The following ANKRD13C variants were observed in gnomAD, a reference collection of about 807,000 sequenced individuals.
The protein encoded by ANKRD13C is ankyrin repeat domain-containing protein 13C.
Under a neutral mutation model 65.5 loss-of-function variants are expected in ANKRD13C, and 16 were observed. That is an observed-to-expected ratio of 0.24 (90% CI 0.17 to 0.37). The LOEUF (loss-of-function observed/expected upper bound fraction) is 0.37. Ranked by LOEUF, ANKRD13C falls within the 10% of genes least tolerant of loss-of-function variation. The pLI is 1.00. For missense variants in ANKRD13C, 503 were observed against 655.9 expected (o/e 0.77, Z 2.55); for synonymous variants, 235 against 238.7 (o/e 0.98, Z 0.14).
chr1:70,322,988 C>T (rs1340339897), intron 3 of ANKRD13C, among the ~76,000 whole-genome samples: 2 of 150,984 alleles, frequency 1.3e-5, no homozygotes, highest in Non-Finnish European at 2.9e-5. Flanking sequence ...GGTGGAACTC[C>T]GTCTCAAAAA....
chr1:70,282,627 C>A (rs1679447625), intron 9 of ANKRD13C, among the ~76,000 whole-genome samples: 1 of 152,148 alleles, frequency 6.6e-6, no homozygotes, highest in African/African-American at 2.4e-5. Context: ...GTAGCAATGG[C>A]TTATCAGTAG....
rs1678407177 is a variant in ANKRD13C at position 70,262,007 on chromosome 1, G to A, written c.*710C>T. 1 of 150,976 alleles carries A rather than the reference G, an allele frequency of 6.6e-6. No individual in the cohort carries two copies. The highest frequency in any genetic ancestry group is 2.4e-5 in the African/African-American group (1 of 41,072). The allele number at this position is 150,976 out of a possible 1,614,324, so 9.4% of individuals were successfully genotyped here. ...AAGGAAGATTAGTAACAAACATTCAGGTAAAAACAAATAGCACCACAATGA... is the reference window on the plus strand; with the variant it reads ...AAGGAAGATTAGTAACAAACATTCAAGTAAAAACAAATAGCACCACAATGA... On this transcript the variant is annotated 3_prime_UTR_variant, in exon 13 of 13. Transcript: ENST00000370944.
At chr1:70,312,398 C>T (rs1182002286) in intron 5 of ANKRD13C, among the ~76,000 whole-genome samples, 3 of 148,538 alleles carry the variant, frequency 2.0e-5, no homozygotes, top group South Asian at 2.1e-4. Flanking sequence ...CAGAGCCTTG[C>T]TCTGGAAATC....
chr1:70,321,083 T>A (rs1184256391), intron 3 of ANKRD13C, among the ~76,000 whole-genome samples: 1 of 152,174 alleles, frequency 6.6e-6, no homozygotes, highest in African/African-American at 2.4e-5. Flanking sequence ...AAATTTTGAT[T>A]CTTGATACAC....
At position 70,280,957 on chromosome 1, in the gene ANKRD13C, T is replaced by C. The variant is rs75213263; in HGVS notation, c.1216-4113A>G. ...CAAGAGATCCTTAGGATTTTGTGAT[T>C]GATCAGATATAGAGATAACAGGAAA... On this transcript the variant is annotated intron_variant, in intron 9 of 12. Coordinates refer to ENST00000370944, the MANE Select transcript of ANKRD13C (RefSeq NM_030816.5). Among the ~76,000 whole-genome samples the C allele has an allele frequency of 4.3e-3, 660 of 152,164 alleles. 5 individuals carry two copies. Among genetic ancestry groups the C allele is most frequent in the African/African-American group, 0.016 (645 of 41,526 alleles).
chr1:70,338,347 C>A (rs1259917656), intron 1 of ANKRD13C, among the ~76,000 whole-genome samples: 1 of 152,106 alleles, frequency 6.6e-6, no homozygotes, highest in African/African-American at 2.4e-5. Flanking sequence ...CAGTTTTCAT[C>A]CTACTACTAA....
At chr1:70,345,979 C>G (rs899043625) in intron 1 of ANKRD13C, among the ~76,000 whole-genome samples, 1 of 151,490 alleles carries the variant, frequency 6.6e-6, no homozygotes, top group African/African-American at 2.4e-5. Flanking sequence ...TTTTCTAATA[C>G]TTTTTTTTTC....
intron 6 of ANKRD13C, among the ~76,000 whole-genome samples, chr1:70,302,949 C>T (rs568531316): frequency 6.6e-6 from 1 of 152,102 alleles, no homozygotes; most frequent in East Asian, 1.9e-4. Flanking sequence ...CCTGCTTGCC[C>T]ATCATAGGTG....
In ANKRD13C at chr1:70,325,138, C is replaced by A. The variant is rs529983620; in HGVS notation, c.473-181G>T. Among the ~76,000 whole-genome samples, 30 of 152,036 alleles carry A rather than the reference C, an allele frequency of 2.0e-4. 1 individual carries two copies. The East Asian group carries it at 5.6e-3, about 28-fold the overall frequency. On this transcript the variant is annotated intron_variant, in intron 2 of 12. Transcript: ENST00000370944. ...TAACTAAACCAGGTAATTTCAGATC[C>A]CTAGATTTAAAAAGTATCCATTCTA...
At chr1:70,323,411 A>G (rs147212977) in intron 3 of ANKRD13C, among the ~76,000 whole-genome samples, 19,909 of 152,030 alleles carry the variant, frequency 0.13, 1,542 homozygotes, top group East Asian at 0.35. Context: ...TTGGGAGGCC[A>G]AGGTGGGCGG....
chr1:70,294,646 T>G (rs1249977270), intron 8 of ANKRD13C, among the ~76,000 whole-genome samples: 1 of 151,818 alleles, frequency 6.6e-6, no homozygotes, highest in Non-Finnish European at 1.5e-5. Context: ...TTTTTTTTTT[T>G]TGGACAGGAG....
At chr1:70,284,506 A>G (rs1679535016) in intron 9 of ANKRD13C, among the ~76,000 whole-genome samples, 2 of 152,150 alleles carry the variant, frequency 1.3e-5, no homozygotes, top group Admixed American at 1.3e-4. Context: ...CCTGACTTCA[A>G]CTTCCCAGTA....
rs1212174830 is a variant in ANKRD13C at position 70,302,452 on chromosome 1, C to A, written c.777-1544G>T. On this transcript the variant is annotated intron_variant, in intron 6 of 12. Coordinates refer to ENST00000370944, the MANE Select transcript of ANKRD13C (RefSeq NM_030816.5). ...CTAAAAGAAAATAGTATTGGCCGGG[C>A]GCGGTGGCTCACGCCTGTAATCCCA... is the stretch of plus-strand genomic sequence containing the variant. Among the ~76,000 whole-genome samples the A allele has an allele frequency of 6.3e-5, 7 of 110,668 alleles. 1 individual carries two copies. The highest frequency in any genetic ancestry group is 9.0e-5 in the Non-Finnish European group (5 of 55,810). The allele number at this position is 110,668 out of a possible 152,430, so 72.6% of individuals were successfully genotyped here.
At chr1:70,297,124 A>T (rs1426706963) in intron 7 of ANKRD13C, among the ~76,000 whole-genome samples, 2 of 152,050 alleles carry the variant, frequency 1.3e-5, no homozygotes, top group East Asian at 3.9e-4. Flanking sequence ...TATAAGGAAG[A>T]AAAAAGGCAA....
At chr1:70,310,167 G>A (rs528410085) in intron 5 of ANKRD13C, among the ~76,000 whole-genome samples, 1 of 152,224 alleles carries the variant, frequency 6.6e-6, no homozygotes, top group South Asian at 2.1e-4. Context: ...TTTCTTCGAA[G>A]TCTGAATATA....
chr1:70,262,920 A>T, intron 12 of ANKRD13C, 73 bp from the exon 13 acceptor site: 47 of 996,436 alleles, frequency 4.7e-5, no homozygotes, highest in Non-Finnish European at 6.2e-5. Flanking sequence ...GTACTATTGG[A>T]GATGTCCATA....
intron 5 of ANKRD13C, among the ~76,000 whole-genome samples, chr1:70,309,037 T>C (rs1259290747): frequency 6.6e-6 from 1 of 151,560 alleles, no homozygotes; most frequent in African/African-American, 2.4e-5. Flanking sequence ...TCCCCAATTT[T>C]CTTTCTTTCC....
At chr1:70,286,892 G>A (rs999837857) in intron 9 of ANKRD13C, among the ~76,000 whole-genome samples, 6 of 152,032 alleles carry the variant, frequency 3.9e-5, no homozygotes, top group East Asian at 1.9e-4. Context: ...AGGCTGAGGC[G>A]GGAGAATTGC....
At position 70,315,518 on chromosome 1, in the gene ANKRD13C, T is replaced by C; in HGVS notation, c.626A>G (p.Glu209Gly). 1 of 1,608,918 alleles carries C rather than the reference T, an allele frequency of 6.2e-7. No individual in the cohort carries two copies. The highest frequency in any genetic ancestry group is 8.5e-7 in the Non-Finnish European group (1 of 1,177,236). The change falls in exon 4 of 13, where the codon GAA becomes GGA. Residue 209 changes from glutamate (E) to glycine (G), a missense_variant. Around this residue, in one of 2 missense-constraint regions of ANKRD13C, gnomAD observed 300 missense variants for 478.3 expected, o/e 0.63. Coordinates refer to ENST00000370944, the MANE Select transcript of ANKRD13C (RefSeq NM_030816.5). Reference sequence around the variant, plus strand: ...TTTTAATAATCGAGGTCGTTTTTCTTCAACACTTTCCCTGGATTGCTGCTT... The same window carrying C: ...TTTTAATAATCGAGGTCGTTTTTCTCCAACACTTTCCCTGGATTGCTGCTT... ...KLKQQSRESV[E>G]EKRPRLLKAL...
Sources: gnomAD v4.1 joint callset for allele counts (sites outside exome capture counted in the v4.1 genomes callset) on GRCh38, gnomAD v4.1.1 for gene constraint, gnomAD v4.1.1 regional missense constraint, MANE v1.5 for transcripts, NCBI Gene and HGNC (gene_info 2026-07-23, HGNC 2026-07-21) for gene names.